ADAMTS13: variants seen among roughly 807,000 people sequenced by gnomAD.
ADAMTS13 encodes A disintegrin and metalloproteinase with thrombospondin motifs 13.
A neutral mutation model predicts 155.1 loss-of-function variants in ADAMTS13; 110 were observed. The ratio of observed to expected loss-of-function variants is 0.71; its 90% CI spans 0.61 to 0.83. The LOEUF is 0.83. Among genes scored for constraint, ADAMTS13 ranks in the 40% least tolerant of loss-of-function variants. The pLI is 0.00. For missense variants in ADAMTS13, 1,707 were observed against 1,891.7 expected, an observed-to-expected ratio of 0.90 and a Z score of 1.81; for synonymous variants, 758 against 756.4, an observed-to-expected ratio of 1.00 and a Z score of -0.03.
chr9:133,414,429 C>T (rs587615007), exon 1 of ADAMTS13: 31 of 688,632 alleles, frequency 4.5e-5, no homozygotes, highest in East Asian at 1.4e-4. Flanking sequence ...CTTCCACACA[C>T]GTGTACTGGC....
chr9:133,452,870 C>T (rs1033957599), intron 23 of ADAMTS13, among the ~76,000 whole-genome samples: 1 of 152,202 alleles, frequency 6.6e-6, no homozygotes, highest in Admixed American at 6.5e-5. Context: ...TCCAGGGATA[C>T]TCCCCTGACT....
chr9:133,446,870 G>C (rs887597028), intron 21 of ADAMTS13, among the ~76,000 whole-genome samples: 2 of 151,940 alleles, frequency 1.3e-5, no homozygotes, highest in Non-Finnish European at 2.9e-5. Flanking sequence ...TTTTGTTTTT[G>C]TTTTTGAGAC....
At chr9:133,414,435 C>T (rs1206149258) in exon 1 of ADAMTS13, 2 of 692,052 alleles carry the variant, frequency 2.9e-6, no homozygotes, top group Non-Finnish European at 5.3e-6. Flanking sequence ...CACACGTGTA[C>T]TGGCACCCAC....
Position 133,454,720 on chromosome 9 carries a change from C to T in ADAMTS13, c.3249+101C>T, listed in dbSNP as rs1485387328. On this transcript the variant is annotated intron_variant, in intron 24 of 28. Coordinates refer to ENST00000355699, the MANE Select transcript of ADAMTS13 (RefSeq NM_139027.6). ...TCTAGGAGGCATTGGCTCATCGTGT[C>T]CCCTGAAAGGAAGGAGAGAGCTGCG... The T allele has an allele frequency of 1.0e-5, 14 of 1,395,108 alleles. No individual in the cohort carries two copies. In the African/African-American group the frequency reaches 1.6e-4, roughly 16 times the overall value. The allele number at this position is 1,395,108 out of a possible 1,614,324, so 86.4% of individuals were successfully genotyped here. A position where few individuals can be genotyped will look rare whatever the true frequency, so the allele number is the denominator to read the frequency against.
chr9:133,452,701 G>A (rs781951285), intron 23 of ADAMTS13, among the ~76,000 whole-genome samples: 1 of 151,852 alleles, frequency 6.6e-6, no homozygotes, highest in Non-Finnish European at 1.5e-5. Context: ...TTAGAGATGG[G>A]GTCTCACTAT....
At chr9:133,455,628 C>G in intron 25 of ADAMTS13, 193 bp downstream of exon 25, 1 of 1,597,596 alleles carries the variant, frequency 6.3e-7, no homozygotes, top group Non-Finnish European at 8.5e-7. Context: ...TCCTTCCTGT[C>G]AGGCAGCTGC....
intron 18 of ADAMTS13, 75 bp from the exon 19 acceptor site, chr9:133,443,301 C>T (rs1554791434): frequency 6.6e-7 from 1 of 1,517,044 alleles, no homozygotes; most frequent in East Asian, 2.4e-5. Context: ...GGGAGTACAT[C>T]AGCACCTGCC....
At position 133,444,963 on chromosome 9, in the gene ADAMTS13, C is replaced by T; in HGVS notation, c.2521C>T (p.Pro841Ser). Reference protein sequence around the residue: ...CVPGADGLEAPVTEGPGSVDE... With the variant: ...CVPGADGLEASVTEGPGSVDE... ...GCCAGGGGCAGATGGCCTGGAGGCT[C>T]CAGTGACTGAGGGGCCTGGCTCCGT... The change falls in exon 20 of 29, where the codon CCA (proline) becomes TCA (serine). Residue 841 changes from proline (P) to serine (S), a missense_variant. Physicochemically the swap from Pro to Ser is moderately conservative, Grantham distance 74 (BLOSUM62 -1). Coordinates refer to ENST00000355699, the MANE Select transcript of ADAMTS13 (RefSeq NM_139027.6). The T allele has an allele frequency of 6.2e-7, 1 of 1,613,492 alleles. No individual in the cohort carries two copies. The highest frequency in any genetic ancestry group is 8.5e-7 in the Non-Finnish European group (1 of 1,180,030).
intron 1 of ADAMTS13, among the ~76,000 whole-genome samples, chr9:133,416,779 T>C (rs1212822309): frequency 3.3e-5 from 5 of 152,356 alleles, no homozygotes; most frequent in African/African-American, 1.2e-4. Context: ...CCAGCCTATT[T>C]CCTCATCTGT....
intron 23 of ADAMTS13, 131 bp downstream of exon 23, chr9:133,450,096 A>C: frequency 9.1e-7 from 1 of 1,102,202 alleles, no homozygotes; most frequent in Non-Finnish European, 1.3e-6. Flanking sequence ...CCAGGAGTGC[A>C]AGTCCAACCT....
intron 24 of ADAMTS13, 27 bp from the exon 25 acceptor site, chr9:133,455,258 G>C (rs200934780): frequency 6.3e-7 from 1 of 1,599,516 alleles, no homozygotes; most frequent in African/African-American, 1.3e-5. Context: ...AGGGTCAGCT[G>C]TGACTCCTCC....
intron 21 of ADAMTS13, among the ~76,000 whole-genome samples, chr9:133,448,017 G>A (rs980965848): frequency 1.3e-5 from 2 of 148,696 alleles, no homozygotes; most frequent in African/African-American, 5.0e-5. Flanking sequence ...TTGAGATGGA[G>A]TCTCGCTCTG....
At position 133,425,549 on chromosome 9, in the gene ADAMTS13, C is replaced by T. The variant is rs781983991; in HGVS notation, c.351C>T (p.Asp117=). Residue 117 remains aspartate (D), a synonymous_variant, in exon 4 of 29, where the codon GAC becomes GAT. Transcript: ENST00000355699. The surrounding 1 kb of genome is among the most constrained non-coding windows in gnomAD (Gnocchi z 4.6). ...CACAGGGGGCAGAACTGCTTCGGGA[C>T]CCGTCCCTGGGGGCTCAGTTTCGGG... The part of the protein sequence containing the change: ...NLNIGAELLR[D]PSLGAQFRVH... The T allele has an allele frequency of 6.2e-6, 10 of 1,613,534 alleles. 1 individual carries two copies. The highest frequency in any genetic ancestry group is 5.0e-5 in the Admixed American group (3 of 59,994).
chr9:133,417,495 T>C (rs587620385), upstream of ADAMTS13: 1 of 976,890 alleles, frequency 1.0e-6, no homozygotes, highest in African/African-American at 1.6e-5. Context: ...TGTGAAAAGC[T>C]GTTTACAAGA....
In ADAMTS13 at chr9:133,424,434, C is replaced by G. The variant is rs121908467; in HGVS notation, c.286C>G (p.His96Asp). The G allele has an allele frequency of 1.2e-6, 2 of 1,613,950 alleles. No individual in the cohort carries two copies. Among genetic ancestry groups the G allele is most frequent in the Non-Finnish European group, 1.7e-6 (2 of 1,180,004 alleles). ...CGTGGGCCCCGATGTCTTCCAGGCT[C>G]ACCAGGAGGACACAGAGCGCTATGT... ...VAVGPDVFQAHQEDTERYVLT... is the reference protein window; with the variant it reads ...VAVGPDVFQADQEDTERYVLT... The change falls in exon 3 of 29, where the codon CAC (histidine) becomes GAC (aspartate). Residue 96 changes from histidine to aspartate, a missense_variant. His to Asp is a moderately conservative substitution (Grantham distance 81). Transcript: ENST00000355699. The surrounding 1 kb of genome is among the most constrained non-coding windows in gnomAD (Gnocchi z 4.3).
In ADAMTS13 at chr9:133,424,202, C is replaced by T. The variant is rs1840125397; in HGVS notation, c.173-119C>T. On this transcript the variant is annotated intron_variant, in intron 2 of 28. Transcript: ENST00000355699. This position sits in a 1 kb window ranked among gnomAD's most constrained non-coding sequence, Gnocchi z 4.3. ...GGTCTGGCTCTTGGGGTGGGGGTGA[C>T]ACGCAATGTCTTGACTTCGGAAGGC... 6.7e-6 allele frequency: 10 copies of T among 1,495,778 alleles called. No individual in the cohort carries two copies. Among genetic ancestry groups the T allele is most frequent in the Non-Finnish European group, 9.2e-6 (10 of 1,089,040 alleles). 92.7% of individuals were successfully genotyped at this position (1,495,778 alleles called of 1,614,324 possible).
Position 133,456,931 on chromosome 9 carries a change from C to A in ADAMTS13, c.3724+212C>A. Reference sequence around the variant, plus strand: ...AATGCTATATCCCTCCTTTTTGGGACCGTGCAGCAAGATGGACGGATGTGG... The same window carrying A: ...AATGCTATATCCCTCCTTTTTGGGAACGTGCAGCAAGATGGACGGATGTGG... On this transcript the variant is annotated intron_variant, in intron 27 of 28. Coordinates refer to ENST00000355699, the MANE Select transcript of ADAMTS13 (RefSeq NM_139027.6). This position sits in a 1 kb window ranked among gnomAD's most constrained non-coding sequence, Gnocchi z 4.4. 1.4e-6 allele frequency: 1 copy of A among 709,046 alleles called. No homozygotes were observed. Among genetic ancestry groups the A allele is most frequent in the Non-Finnish European group, 2.5e-6 (1 of 395,554 alleles). 43.9% of individuals were successfully genotyped at this position (709,046 alleles called of 1,614,324 possible). A position where few individuals can be genotyped will look rare whatever the true frequency, so the allele number is the denominator to read the frequency against.
intron 11 of ADAMTS13, 46 bp from the exon 12 acceptor site, chr9:133,436,783 C>A: frequency 1.1e-5 from 5 of 439,678 alleles, no homozygotes; most frequent in Non-Finnish European, 2.3e-5. Context: ...ACAACACCCG[C>A]CCCCCGCCCC....
At chr9:133,423,369 T>G (rs587669853) in intron 2 of ADAMTS13, among the ~76,000 whole-genome samples, 1 of 152,296 alleles carries the variant, frequency 6.6e-6, no homozygotes, top group East Asian at 1.9e-4. Flanking sequence ...CAGGCCAGGG[T>G]TCTCACCCTA....
Sources: gnomAD v4.1 joint callset for allele counts (sites outside exome capture counted in the v4.1 genomes callset) on GRCh38, gnomAD v4.1.1 for gene constraint, Gnocchi (gnomAD v3.1) non-coding constraint, MANE v1.5 for transcripts, NCBI Gene and HGNC (gene_info 2026-07-23, HGNC 2026-07-21) for gene names.